RBPMS: variants seen among roughly 807,000 people sequenced by gnomAD.
RBPMS encodes RNA binding protein, mRNA processing factor, also known as RNA-binding protein with multiple splicing.
A neutral mutation model predicts 26.8 loss-of-function variants in RBPMS; 7 were observed. That is an observed-to-expected ratio of 0.26 (90% CI 0.15 to 0.49). RBPMS has a LOEUF of 0.49. Among genes scored for constraint, RBPMS ranks in the 20% least tolerant of loss-of-function variants. The pLI is 0.98. For missense variants in RBPMS, 186 were observed against 250.0 expected, an observed-to-expected ratio of 0.74 and a Z score of 1.73; for synonymous variants, 96 against 93.3, an observed-to-expected ratio of 1.03 and a Z score of -0.17.
chr8:30,452,528 C>CA (rs917010100), intron 1 of RBPMS, among the ~76,000 whole-genome samples: 140 of 152,288 alleles, frequency 9.2e-4, no homozygotes, highest in African/African-American at 3.1e-3. Context: ...CTCCTACCTC[C>CA]ACCCCCTACA....
At chr8:30,542,695 A>G (rs1387960497) in intron 5 of RBPMS, among the ~76,000 whole-genome samples, 2 of 152,254 alleles carry the variant, frequency 1.3e-5, no homozygotes, top group Admixed American at 6.5e-5. Context: ...ATAGTTTGGC[A>G]TTCCTGAGAA....
chr8:30,461,880 C>T (rs547228313), intron 1 of RBPMS, among the ~76,000 whole-genome samples: 36 of 152,152 alleles, frequency 2.4e-4, no homozygotes, highest in Admixed American at 1.5e-3. Context: ...AGTCAAGTTA[C>T]AGAACAAGTC....
At chr8:30,544,799 C>T (rs1342705402) in intron 6 of RBPMS, 175 bp downstream of exon 6, 1 of 1,568,286 alleles carries the variant, frequency 6.4e-7, no homozygotes, top group East Asian at 2.3e-5. Flanking sequence ...CGAGGATCGT[C>T]TGACAGCAAT....
At chr8:30,386,661 A>C (rs375281314) in intron 1 of RBPMS, among the ~76,000 whole-genome samples, 1 of 151,984 alleles carries the variant, frequency 6.6e-6, no homozygotes, top group South Asian at 2.1e-4. Context: ...TATTTTCCCT[A>C]CCACTTAAAA....
At chr8:30,439,423 A>C (rs1585464241) in intron 1 of RBPMS, among the ~76,000 whole-genome samples, 1 of 152,338 alleles carries the variant, frequency 6.6e-6, no homozygotes, top group South Asian at 2.1e-4. Context: ...TTTTCCTTTG[A>C]TTCATGATTT....
At chr8:30,453,787 C>T (rs1814889948) in intron 1 of RBPMS, 1 of 152,202 alleles carries the variant, frequency 6.6e-6, no homozygotes. Context: ...TCAAGGGCCA[C>T]AATCTCATCT....
chr8:30,474,494 A>G (rs928437617), intron 1 of RBPMS, among the ~76,000 whole-genome samples: 1 of 152,182 alleles, frequency 6.6e-6, no homozygotes, highest in African/African-American at 2.4e-5. Context: ...AATCAACTAG[A>G]TGTAATTCAC....
At chr8:30,568,116 AAT>A (rs1419141537) in intron 8 of RBPMS, among the ~76,000 whole-genome samples, 1 of 152,192 alleles carries the variant, frequency 6.6e-6, no homozygotes, top group Non-Finnish European at 1.5e-5. Context: ...ATTACAAATT[AAT>A]ATCAGTACCT....
intron 7 of RBPMS, among the ~76,000 whole-genome samples, chr8:30,562,362 C>T (rs987067582): frequency 4.0e-5 from 6 of 151,782 alleles, no homozygotes; most frequent in Admixed American, 6.6e-5. Context: ...TAATGTCTCC[C>T]GTGGATGAAT....
chr8:30,509,560 G>A (rs1205527881), intron 5 of RBPMS, among the ~76,000 whole-genome samples: 2 of 152,192 alleles, frequency 1.3e-5, no homozygotes, highest in Non-Finnish European at 2.9e-5. Context: ...GCGGGACAAG[G>A]TCATCCAGGG....
intron 1 of RBPMS, among the ~76,000 whole-genome samples, chr8:30,436,324 C>G (rs1449193593): frequency 6.6e-6 from 1 of 152,174 alleles, no homozygotes; most frequent in Non-Finnish European, 1.5e-5. Flanking sequence ...ATTCCTGTGA[C>G]TTCATGCTTG....
intron 4 of RBPMS, among the ~76,000 whole-genome samples, chr8:30,491,618 GT>G (rs977852238): frequency 1.3e-5 from 2 of 151,296 alleles, no homozygotes; most frequent in Non-Finnish European, 2.9e-5. Flanking sequence ...TTAGGCAACT[GT>G]TTTTTTTCAA....
chr8:30,443,532 T>G (rs1813373580), intron 1 of RBPMS, among the ~76,000 whole-genome samples: 1 of 152,112 alleles, frequency 6.6e-6, no homozygotes, highest in Non-Finnish European at 1.5e-5. Context: ...TAGATACAGG[T>G]TTACAGTTGC....
chr8:30,410,840 A>G (rs1328067859), intron 1 of RBPMS, among the ~76,000 whole-genome samples: 2 of 151,376 alleles, frequency 1.3e-5, no homozygotes, highest in African/African-American at 4.9e-5. Context: ...AGCTCAAGAC[A>G]TCTTCCTACC....
chr8:30,545,327 C>T (rs1825784137), intron 6 of RBPMS: 8 of 1,157,962 alleles, frequency 6.9e-6, no homozygotes, highest in Middle Eastern at 5.5e-4. Flanking sequence ...CATACTAACA[C>T]TTCCTCTCCC....
At chr8:30,461,861 C>T (rs1253548549) in intron 1 of RBPMS, among the ~76,000 whole-genome samples, 1 of 152,138 alleles carries the variant, frequency 6.6e-6, no homozygotes, top group Non-Finnish European at 1.5e-5. Context: ...TTCATGGATC[C>T]ACCACCACAG....
chr8:30,568,131 T>C (rs1488205559), intron 8 of RBPMS, among the ~76,000 whole-genome samples: 3 of 152,214 alleles, frequency 2.0e-5, no homozygotes, highest in Non-Finnish European at 4.4e-5. Flanking sequence ...CAGTACCTGA[T>C]TTTTTGAAGA....
rs146658794 is a variant in RBPMS, at chr8:30,440,339, G to A, written c.67-34440G>A. 3.0e-3 allele frequency among the ~76,000 whole-genome samples: 462 copies of A among 152,124 alleles called. 2 individuals are homozygous for A. The highest frequency in any genetic ancestry group is 7.9e-3 in the African/African-American group (326 of 41,506). Reference sequence around the variant, plus strand: ...CTCTATACCCATTAAACAACAGCTCGCTGTCCCCACATCCACCCCACCTCT... The same window carrying A: ...CTCTATACCCATTAAACAACAGCTCACTGTCCCCACATCCACCCCACCTCT... On this transcript the variant is annotated intron_variant, in intron 1 of 8. Coordinates refer to ENST00000397323, the MANE Select transcript of RBPMS (RefSeq NM_001008710.3).
intron 1 of RBPMS, among the ~76,000 whole-genome samples, chr8:30,412,873 T>A (rs1429634510): frequency 6.6e-6 from 1 of 152,170 alleles, no homozygotes; most frequent in Non-Finnish European, 1.5e-5. Flanking sequence ...AAAGCTACTT[T>A]CCAAGATTTT....
Sources: allele counts gnomAD v4.1 joint callset (sites outside exome capture counted in the v4.1 genomes callset), GRCh38; gene constraint gnomAD v4.1.1; transcripts MANE v1.5; gene names NCBI Gene and HGNC (gene_info 2026-07-23, HGNC 2026-07-21).